ANKS1B: variants seen among roughly 807,000 people sequenced by gnomAD.
ANKS1B encodes ankyrin repeat and sterile alpha motif domain-containing protein 1B.
Under a neutral mutation model 148.3 loss-of-function variants are expected in ANKS1B, and 36 were observed. That is an observed-to-expected ratio of 0.24 (90% confidence interval 0.19 to 0.32). ANKS1B has a LOEUF of 0.32. Ranked by LOEUF, ANKS1B falls within the 10% of genes least tolerant of loss-of-function variation. ANKS1B has a pLI of 1.00. For synonymous variants in ANKS1B, 542 were observed against 560.8 expected (o/e 0.97, Z 0.47); for missense variants, 1,157 against 1,542.6 (o/e 0.75, Z 4.19).
At chr12:99,314,987 G>A (rs1332046036) in intron 12 of ANKS1B, among the ~76,000 whole-genome samples, 1 of 152,010 alleles carries the variant, frequency 6.6e-6, no homozygotes, top group African/African-American at 2.4e-5. Flanking sequence ...GCTCACACCT[G>A]TAATCCCAGC....
At chr12:98,762,675 C>A (rs2098425745) in intron 25 of ANKS1B, among the ~76,000 whole-genome samples, 2 of 152,224 alleles carry the variant, frequency 1.3e-5, no homozygotes, top group Admixed American at 1.3e-4. Flanking sequence ...CAGAAGCCTT[C>A]TTTGAATCTC....
intron 16 of ANKS1B, among the ~76,000 whole-genome samples, chr12:99,069,942 CACTT>C (rs935991239): frequency 2.6e-5 from 4 of 152,174 alleles, no homozygotes; most frequent in African/African-American, 9.7e-5. Context: ...CTGACTCTGA[CACTT>C]ACTAGTGGTG....
At position 98,808,644 on chromosome 12, in the gene ANKS1B, G is replaced by C. The variant is rs182665326; in HGVS notation, c.3067-726C>G. ...TGGCTCTCCCCCACACCATTAATAA[G>C]ATAAACTTATCAGTAATGTTTGCTC... On this transcript the variant is annotated intron_variant, in intron 19 of 26. Coordinates refer to ENST00000683438, the MANE Select transcript of ANKS1B (RefSeq NM_001352186.2). Among the ~76,000 whole-genome samples the C allele has an allele frequency of 2.1e-3, 313 of 152,252 alleles. 2 individuals are homozygous for C. Among genetic ancestry groups the C allele is most frequent in the Non-Finnish European group, 3.4e-3 (228 of 68,024 alleles).
chr12:99,456,050 G>A (rs559254071), intron 10 of ANKS1B, among the ~76,000 whole-genome samples: 2 of 152,250 alleles, frequency 1.3e-5, no homozygotes, highest in Non-Finnish European at 2.9e-5. Flanking sequence ...CAGAGCAGGT[G>A]CTGGTATGGT....
At chr12:98,777,266 T>G (rs1299857068) in intron 24 of ANKS1B, among the ~76,000 whole-genome samples, 1 of 152,194 alleles carries the variant, frequency 6.6e-6, no homozygotes, top group Non-Finnish European at 1.5e-5. Context: ...AAGTATTTTG[T>G]GCCCCTAAAA....
At chr12:99,350,499 CA>C (rs1352730089) in intron 12 of ANKS1B, among the ~76,000 whole-genome samples, 2 of 151,984 alleles carry the variant, frequency 1.3e-5, no homozygotes, top group Admixed American at 1.3e-4. Context: ...CAACTGTAGA[CA>C]TCCCAGTTCT....
intron 14 of ANKS1B, among the ~76,000 whole-genome samples, chr12:99,174,601 G>C (rs537784870): frequency 6.6e-6 from 1 of 151,990 alleles, no homozygotes; most frequent in Non-Finnish European, 1.5e-5. Flanking sequence ...TAATCTTGGT[G>C]GTATTGGAAG....
intron 11 of ANKS1B, among the ~76,000 whole-genome samples, chr12:99,405,547 A>G (rs2094511477): frequency 6.9e-6 from 1 of 145,604 alleles, no homozygotes; most frequent in African/African-American, 2.6e-5. Context: ...CAATAGATAC[A>G]TAAGAAATAA....
In ANKS1B at chr12:98,845,710, C is replaced by G. The variant is rs2099454907; in HGVS notation, c.2779-13574G>C. 2.0e-5 allele frequency among the ~76,000 whole-genome samples: 3 copies of G among 151,440 alleles called. No individual in the cohort carries two copies. In the South Asian group the frequency reaches 6.2e-4, roughly 32 times the overall value. ...ATCTCTGTCAGTCAGTAATGATTCC[C>G]AGATAATTAAAACTTTTTTTTTTTT... On this transcript the variant is annotated intron_variant, in intron 17 of 26. Transcript: ENST00000683438.
intron 9 of ANKS1B, among the ~76,000 whole-genome samples, chr12:99,635,865 G>A (rs1462892056): frequency 2.0e-5 from 3 of 151,968 alleles, no homozygotes; most frequent in Non-Finnish European, 4.4e-5. Context: ...TAGGACAACT[G>A]ATCATTAATT....
At chr12:99,453,100 C>T (rs536447733) in intron 10 of ANKS1B, among the ~76,000 whole-genome samples, 2 of 152,206 alleles carry the variant, frequency 1.3e-5, no homozygotes, top group East Asian at 1.9e-4. Context: ...ACCATCCTGG[C>T]TAACATGGTG....
intron 9 of ANKS1B, among the ~76,000 whole-genome samples, chr12:99,505,891 C>A (rs2096706926): frequency 6.6e-6 from 1 of 152,006 alleles, no homozygotes; most frequent in Non-Finnish European, 1.5e-5. Flanking sequence ...CATAGCTTAG[C>A]CTAGCCTACC....
intron 15 of ANKS1B, among the ~76,000 whole-genome samples, chr12:99,106,632 T>A (rs2153690918): frequency 6.6e-6 from 1 of 152,350 alleles, no homozygotes; most frequent in Admixed American, 6.5e-5. Context: ...GATATCTTGA[T>A]ACAAGCATAC....
At chr12:99,315,907 G>A (rs2083996462) in intron 12 of ANKS1B, among the ~76,000 whole-genome samples, 1 of 151,910 alleles carries the variant, frequency 6.6e-6, no homozygotes, top group Admixed American at 6.6e-5. Context: ...ACCTATGAAT[G>A]AGAACATGTG....
At chr12:99,788,803 A>G (rs1178455412) in intron 4 of ANKS1B, among the ~76,000 whole-genome samples, 3 of 152,160 alleles carry the variant, frequency 2.0e-5, no homozygotes, top group Non-Finnish European at 4.4e-5. Context: ...TTGGGCTTTA[A>G]GTAAACATTG....
intron 8 of ANKS1B, among the ~76,000 whole-genome samples, chr12:99,699,330 C>T (rs189941755): frequency 5.4e-4 from 82 of 152,296 alleles, no homozygotes; most frequent in Non-Finnish European, 9.1e-4. Flanking sequence ...ATTCAAATAA[C>T]AGTGATTCTT....
At chr12:98,930,437 C>T (rs1304303211) in intron 17 of ANKS1B, among the ~76,000 whole-genome samples, 1 of 152,052 alleles carries the variant, frequency 6.6e-6, no homozygotes, top group Non-Finnish European at 1.5e-5. Flanking sequence ...CCTAGGTATA[C>T]ACCCAAGAGA....
At chr12:98,885,193 C>T (rs955279546) in intron 17 of ANKS1B, among the ~76,000 whole-genome samples, 3 of 151,606 alleles carry the variant, frequency 2.0e-5, no homozygotes, top group African/African-American at 2.4e-5. Context: ...AATATCTAAC[C>T]AAAGGAGAAA....
chr12:99,498,226 C>T (rs1361715941), intron 10 of ANKS1B, among the ~76,000 whole-genome samples: 2 of 152,222 alleles, frequency 1.3e-5, no homozygotes, highest in African/African-American at 2.4e-5. Flanking sequence ...CTCCACATTG[C>T]TTCTAGAGGG....
Sources: allele counts gnomAD v4.1 joint callset (sites outside exome capture counted in the v4.1 genomes callset), GRCh38; gene constraint gnomAD v4.1.1; transcripts MANE v1.5; gene names NCBI Gene and HGNC (gene_info 2026-07-23, HGNC 2026-07-21).